Variants in IL15 observed in about 807,000 individuals in gnomAD.
IL15 encodes interleukin 15, also known as interleukin-15.
In IL15, 11 loss-of-function variants were observed where a neutral mutation model predicts 19.6. The ratio of observed to expected loss-of-function variants is 0.56; its 90% confidence interval spans 0.35 to 0.93. IL15 has a LOEUF of 0.93. IL15 is among the 40% of genes least tolerant of loss of function. The probability of loss-of-function intolerance (pLI) is 0.01; values close to 1 mark genes in which losing one functional copy is unlikely to be tolerated. For missense variants in IL15, 197 were observed against 186.5 expected, an observed-to-expected ratio of 1.06 and a Z score of -0.33; for synonymous variants, 58 against 59.6, an observed-to-expected ratio of 0.97 and a Z score of 0.12.
At chr4:141,680,670 C>A (rs1473304174) in intron 2 of IL15, among the ~76,000 whole-genome samples, 1 of 152,278 alleles carries the variant, frequency 6.6e-6, no homozygotes, top group East Asian at 1.9e-4. Flanking sequence ...CAAACACTTT[C>A]CTTTATTTTA....
chr4:141,711,175 A>T (rs1441668411), intron 2 of IL15, among the ~76,000 whole-genome samples: 1 of 152,170 alleles, frequency 6.6e-6, no homozygotes, highest in South Asian at 2.1e-4. Context: ...TTGTATCTCA[A>T]TAAAGTTTAT....
At chr4:141,711,011 G>GATT in intron 2 of IL15, among the ~76,000 whole-genome samples, 1 of 152,158 alleles carries the variant, frequency 6.6e-6, no homozygotes, top group Middle Eastern at 3.4e-3. Context: ...CATTGCGACT[G>GATT]ATGATACAGT....
intron 1 of IL15, among the ~76,000 whole-genome samples, chr4:141,652,763 T>C (rs1727453256): frequency 6.6e-6 from 1 of 152,206 alleles, no homozygotes; most frequent in Admixed American, 6.5e-5. Flanking sequence ...TTGTGCTTAG[T>C]AAAAGATTAG....
intron 2 of IL15, among the ~76,000 whole-genome samples, chr4:141,709,482 C>T (rs895781915): frequency 1.3e-5 from 2 of 152,106 alleles, no homozygotes; most frequent in Non-Finnish European, 2.9e-5. Context: ...ATTTTATGAG[C>T]CAGCTTTTAA....
chr4:141,667,991 G>A (rs929336496), intron 2 of IL15, among the ~76,000 whole-genome samples: 9 of 151,866 alleles, frequency 5.9e-5, no homozygotes, highest in African/African-American at 2.2e-4. Context: ...CCTTTTCATG[G>A]GACATTAAAC....
Position 141,727,288 on chromosome 4 carries a change from G to T in IL15, c.196-652G>T, listed in dbSNP as rs111632396. Among the ~76,000 whole-genome samples, 509 of 152,160 alleles carry T rather than the reference G, an allele frequency of 3.3e-3. 7 individuals are homozygous for T. The highest frequency in any genetic ancestry group is 0.012 in the African/African-American group (487 of 41,498). Reference sequence around the variant, plus strand: ...AGGGAAACTGGGGTGGAGAACAAAGGGGTGTATAAGTCTCTGTACTTTCTG... The same window carrying T: ...AGGGAAACTGGGGTGGAGAACAAAGTGGTGTATAAGTCTCTGTACTTTCTG... On this transcript the variant is annotated intron_variant, in intron 5 of 7. Coordinates refer to ENST00000320650, the MANE Select transcript of IL15 (RefSeq NM_000585.5).
intron 2 of IL15, among the ~76,000 whole-genome samples, chr4:141,706,335 C>G (rs1450995672): frequency 6.6e-6 from 1 of 151,890 alleles, no homozygotes; most frequent in Admixed American, 6.6e-5. Context: ...CAGATGTTTT[C>G]TCTTTTCTTT....
chr4:141,646,118 G>A (rs1280374054), intron 1 of IL15, among the ~76,000 whole-genome samples: 1 of 152,024 alleles, frequency 6.6e-6, no homozygotes, highest in Non-Finnish European at 1.5e-5. Flanking sequence ...TGGGGGGAAG[G>A]CACTGACTGA....
At chr4:141,655,619 G>T (rs1727564795) in intron 1 of IL15, among the ~76,000 whole-genome samples, 1 of 151,974 alleles carries the variant, frequency 6.6e-6, no homozygotes, top group Non-Finnish European at 1.5e-5. Context: ...AAACATAGAA[G>T]TTACACTGTT....
At chr4:141,674,137 T>G (rs979297138) in intron 2 of IL15, among the ~76,000 whole-genome samples, 2 of 152,208 alleles carry the variant, frequency 1.3e-5, no homozygotes, top group African/African-American at 4.8e-5. Context: ...TCCATAATTT[T>G]TAAGGATATA....
intron 1 of IL15, among the ~76,000 whole-genome samples, chr4:141,640,966 A>G (rs1162755847): frequency 6.6e-6 from 1 of 152,140 alleles, no homozygotes; most frequent in Non-Finnish European, 1.5e-5. Flanking sequence ...GGTGGGGGTA[A>G]GCTCTGCTTA....
Position 141,721,967 on chromosome 4 carries a change from A to G in IL15, c.154A>G (p.Asn52Asp), listed in dbSNP as rs1222515782. The G allele has an allele frequency of 6.3e-7, 1 of 1,596,762 alleles. No individual in the cohort carries two copies. The highest frequency in any genetic ancestry group is 8.6e-7 in the Non-Finnish European group (1 of 1,166,994). Residue 52 changes from asparagine (N) to aspartate (D), a missense_variant, in exon 5 of 8, where the codon AAT becomes GAT. By Grantham distance (23) the Asn-to-Asp change is conservative (BLOSUM62 1). Transcript: ENST00000320650. Reference sequence around the variant, plus strand: ...TCCTAAAACAGAAGCCAACTGGGTGAATGTAATAAGTGATTTGAAAAAAAT... The same window carrying G: ...TCCTAAAACAGAAGCCAACTGGGTGGATGTAATAAGTGATTTGAAAAAAAT... ...GLPKTEANWV[N>D]VISDLKKIED...
Position 141,727,931 on chromosome 4 carries a change from T to TC in IL15, c.196-7dup. ...GTTTTTAATATTGTCTAATTTTGTT[T>TC]CCTTTCAGTCTATGCATATTGATGC... On this transcript the variant is annotated splice_polypyrimidine_tract_variant and intron_variant, in intron 5 of 7. Transcript: ENST00000320650. 2.6e-6 allele frequency: 3 copies of TC among 1,171,210 alleles called. No homozygotes were observed. Among genetic ancestry groups the TC allele is most frequent in the Non-Finnish European group, 3.8e-6 (3 of 797,960 alleles). 72.6% of individuals were successfully genotyped at this position (1,171,210 alleles called of 1,614,324 possible).
At position 141,675,157 on chromosome 4, in the gene IL15, A is replaced by C. The variant is rs889868814; in HGVS notation, c.-100+18850A>C. Among the ~76,000 whole-genome samples, 48 of 152,328 alleles carry C rather than the reference A, an allele frequency of 3.2e-4. 1 individual carries two copies. Among genetic ancestry groups the C allele is most frequent in the African/African-American group, 9.9e-4 (41 of 41,576 alleles). ...GGATATTTGAGACAATTTGAAAAAA[A>C]AAAACCAGATGAACAGTGTAGCCTA... On this transcript the variant is annotated intron_variant, in intron 2 of 7. Coordinates refer to ENST00000320650, the MANE Select transcript of IL15 (RefSeq NM_000585.5).
At chr4:141,659,560 C>A (rs1190876966) in intron 2 of IL15, among the ~76,000 whole-genome samples, 1 of 152,108 alleles carries the variant, frequency 6.6e-6, no homozygotes, top group Non-Finnish European at 1.5e-5. Context: ...AAAAAAGAAG[C>A]AGGGGGAAAT....
intron 1 of IL15, among the ~76,000 whole-genome samples, chr4:141,654,046 T>G (rs1560903168): frequency 6.6e-6 from 1 of 152,218 alleles, no homozygotes. Flanking sequence ...TTGTTTTAGG[T>G]CAGGTTCTTG....
At chr4:141,700,154 G>C (rs920802071) in intron 2 of IL15, among the ~76,000 whole-genome samples, 2 of 152,078 alleles carry the variant, frequency 1.3e-5, no homozygotes, top group African/African-American at 4.8e-5. Flanking sequence ...CCTGACCTCA[G>C]GTGATCCATC....
At chr4:141,721,499 A>G in intron 4 of IL15, 2 of 551,362 alleles carry the variant, frequency 3.6e-6, no homozygotes, top group South Asian at 1.5e-5. Context: ...CAAAATCATT[A>G]CATGAAAATG....
intron 1 of IL15, among the ~76,000 whole-genome samples, chr4:141,642,919 C>A (rs1302909992): frequency 1.3e-5 from 2 of 152,130 alleles, no homozygotes; most frequent in Non-Finnish European, 2.9e-5. Context: ...TGGTCAGAGT[C>A]TATTTGTATT....
Sources: gnomAD v4.1 joint callset for allele counts (sites outside exome capture counted in the v4.1 genomes callset) on GRCh38, gnomAD v4.1.1 for gene constraint, MANE v1.5 for transcripts, NCBI Gene and HGNC (gene_info 2026-07-23, HGNC 2026-07-21) for gene names.